The following MEIS2 variants were observed in gnomAD, a reference collection of about 807,000 sequenced individuals.
MEIS2 encodes homeobox protein Meis2.
In MEIS2, 9 loss-of-function variants were observed where a neutral mutation model predicts 58.6. The ratio of observed to expected loss-of-function variants is 0.15; its 90% CI spans 0.09 to 0.27. The LOEUF is 0.27. Ranked by LOEUF, MEIS2 falls within the 10% of genes least tolerant of loss-of-function variation. The pLI is 1.00. For missense variants in MEIS2, 427 were observed against 635.0 expected, an observed-to-expected ratio of 0.67 and a Z score of 3.52; for synonymous variants, 221 against 228.4, an observed-to-expected ratio of 0.97 and a Z score of 0.29.
intron 7 of MEIS2, among the ~76,000 whole-genome samples, chr15:37,050,399 T>C (rs1400374345): frequency 2.0e-5 from 3 of 152,210 alleles, no homozygotes; most frequent in African/African-American, 4.8e-5. Flanking sequence ...CTTGTGGGTT[T>C]ATATCTAAAA....
Position 36,944,611 on chromosome 15 carries a change from G to A in MEIS2, c.977+5713C>T, listed in dbSNP as rs565166846. Among the ~76,000 whole-genome samples, 7 of 152,116 alleles carry A rather than the reference G, an allele frequency of 4.6e-5. No individual in the cohort carries two copies. In the South Asian group the frequency reaches 1.5e-3, roughly 32 times the overall value. On this transcript the variant is annotated intron_variant, in intron 9 of 11. Coordinates refer to ENST00000561208, the MANE Select transcript of MEIS2 (RefSeq NM_170675.5). The stretch of plus-strand genomic sequence containing the variant: ...ACCTAGAGCTCACCAAAGCTTTTTT[G>A]TATTCATTTCATCAGCATCGGCAGT...
rs143791541 is a variant in MEIS2, at chr15:36,917,345, G to C, written c.978-20659C>G. ...AAGAATATAGAAAAACATAGAATGT[G>C]CATGGAATTCTGTAGTGGTTGGCAT... On this transcript the variant is annotated intron_variant, in intron 9 of 11. Coordinates refer to ENST00000561208, the MANE Select transcript of MEIS2 (RefSeq NM_170675.5). Among the ~76,000 whole-genome samples, 1,148 of 152,234 alleles carry C rather than the reference G, an allele frequency of 7.5e-3. 13 individuals carry two copies. Among genetic ancestry groups the C allele is most frequent in the African/African-American group, 0.027 (1,103 of 41,552 alleles).
At chr15:36,953,997 T>C (rs545997457) in intron 8 of MEIS2, among the ~76,000 whole-genome samples, 1 of 152,316 alleles carries the variant, frequency 6.6e-6, no homozygotes, top group South Asian at 2.1e-4. Context: ...CTGAAACCAA[T>C]TTATCATAAA....
intron 8 of MEIS2, among the ~76,000 whole-genome samples, chr15:37,013,751 T>G (rs1404945717): frequency 1.3e-5 from 2 of 151,980 alleles, no homozygotes; most frequent in African/African-American, 2.4e-5. Context: ...TAGAAATGAC[T>G]ATACCCATTT....
At chr15:36,952,894 T>C (rs1329696710) in intron 8 of MEIS2, among the ~76,000 whole-genome samples, 2 of 152,130 alleles carry the variant, frequency 1.3e-5, no homozygotes, top group Non-Finnish European at 2.9e-5. Flanking sequence ...ACTTTCACTA[T>C]GAAGGCAGTT....
At chr15:37,096,451 G>C (rs779776244) in intron 2 of MEIS2, 21 bp from the exon 3 acceptor site, 3 of 1,610,452 alleles carry the variant, frequency 1.9e-6, no homozygotes, top group South Asian at 1.1e-5. Flanking sequence ...GCGCCACGCA[G>C]AGACACACAC....
chr15:37,037,221 C>T (rs1272646770), intron 7 of MEIS2, among the ~76,000 whole-genome samples: 1 of 152,168 alleles, frequency 6.6e-6, no homozygotes, highest in Non-Finnish European at 1.5e-5. Flanking sequence ...TGCAGTAGCT[C>T]TTTGTCAATT....
chr15:37,046,499 A>G (rs1369058494), intron 7 of MEIS2, among the ~76,000 whole-genome samples: 2 of 152,198 alleles, frequency 1.3e-5, no homozygotes, highest in African/African-American at 4.8e-5. Flanking sequence ...GATGAAAACC[A>G]CTTCACCCAC....
intron 9 of MEIS2, among the ~76,000 whole-genome samples, chr15:36,923,542 T>G (rs752650164): frequency 2.0e-5 from 3 of 152,202 alleles, no homozygotes; most frequent in Admixed American, 6.5e-5. Flanking sequence ...CTGAACTGAA[T>G]GAACACCTCC....
intron 9 of MEIS2, among the ~76,000 whole-genome samples, chr15:36,945,237 G>A (rs1453359285): frequency 1.3e-5 from 2 of 151,950 alleles, no homozygotes; most frequent in Non-Finnish European, 2.9e-5. Flanking sequence ...TGCCCTTCAA[G>A]TATAAGCAGC....
intron 8 of MEIS2, among the ~76,000 whole-genome samples, chr15:37,032,249 A>G (rs1333931702): frequency 6.6e-6 from 1 of 152,172 alleles, no homozygotes; most frequent in African/African-American, 2.4e-5. Flanking sequence ...GTCTTTGTGT[A>G]TGAGCACTTC....
rs749233162 is a variant in MEIS2 at position 37,098,113 on chromosome 15, G to T, written c.99C>A (p.Ile33=). 4.3e-6 allele frequency: 7 copies of T among 1,613,654 alleles called. No individual in the cohort carries two copies. Among genetic ancestry groups the T allele is most frequent in the Non-Finnish European group, 5.1e-6 (6 of 1,179,912 alleles). The change falls in exon 2 of 12, where the codon ATC becomes ATA. Residue 33 remains isoleucine, a synonymous_variant. Transcript: ENST00000561208. ...CGTGGTTCAGGTGGTGAACCGGGGG[G>T]ATCGGCCGCGGCGCGTGAGGGTCTC... ...MYGDPHAPRP[I]PPVHHLNHGP...
At chr15:37,093,543 A>C in intron 6 of MEIS2, 38 bp downstream of exon 6, 1 of 1,610,480 alleles carries the variant, frequency 6.2e-7, no homozygotes, top group Non-Finnish European at 8.5e-7. Flanking sequence ...TGCTTTGCCC[A>C]GTGGCCTTAA....
At chr15:37,067,596 T>TAAAAAAAA (rs5811961) in intron 7 of MEIS2, among the ~76,000 whole-genome samples, 1 of 144,720 alleles carries the variant, frequency 6.9e-6, no homozygotes, top group Non-Finnish European at 1.5e-5. Flanking sequence ...AATCAGAAAT[T>TAAAAAAAA]AAAAAAAAAA....
chr15:36,895,219 C>T lies in MEIS2; in HGVS notation c.1079G>A (p.Ser360Asn), dbSNP rs2056110158. Residue 360 changes from serine (S) to asparagine (N), a missense_variant, in exon 11 of 12, where the codon AGT (serine) becomes AAT (asparagine). Transcript: ENST00000561208. ...GCTCCCCATGGGCTGACCCTCTGGA[C>T]TATATGCTGCTCCTTGGCTCACTGA... ...DPSVSQGAAYSPEGQPMGSFV... is the reference protein window; with the variant it reads ...DPSVSQGAAYNPEGQPMGSFV... 1 of 1,614,170 alleles carries T rather than the reference C, an allele frequency of 6.2e-7. No homozygotes were observed. The highest frequency in any genetic ancestry group is 8.5e-7 in the Non-Finnish European group (1 of 1,180,040).
At chr15:37,020,828 G>A (rs1377190010) in intron 8 of MEIS2, among the ~76,000 whole-genome samples, 1 of 151,336 alleles carries the variant, frequency 6.6e-6, no homozygotes, top group Non-Finnish European at 1.5e-5. Flanking sequence ...TTAAACTTAT[G>A]TTTGTCCTAA....
chr15:36,991,751 C>T (rs1419648270), intron 8 of MEIS2, among the ~76,000 whole-genome samples: 3 of 133,318 alleles, frequency 2.3e-5, no homozygotes, highest in Non-Finnish European at 3.2e-5. Flanking sequence ...ATTAAAAGTA[C>T]ATATTAAAGT....
intron 9 of MEIS2, among the ~76,000 whole-genome samples, chr15:36,943,151 C>G (rs1334951575): frequency 6.6e-6 from 1 of 152,112 alleles, no homozygotes; most frequent in Admixed American, 6.6e-5. Context: ...TTATCTTCAA[C>G]TTTTTTCCTG....
intron 6 of MEIS2, among the ~76,000 whole-genome samples, chr15:37,088,066 A>G (rs182311090): frequency 6.3e-4 from 96 of 152,286 alleles, no homozygotes; most frequent in African/African-American, 2.3e-3. Flanking sequence ...ATTAGATTGG[A>G]ATTAAGATGC....
Sources: gnomAD v4.1 joint callset for allele counts (sites outside exome capture counted in the v4.1 genomes callset) on GRCh38, gnomAD v4.1.1 for gene constraint, MANE v1.5 for transcripts, NCBI Gene and HGNC (gene_info 2026-07-23, HGNC 2026-07-21) for gene names.